PCDH9: variants seen among roughly 807,000 people sequenced by gnomAD.
The protein encoded by PCDH9 is protocadherin-9.
In PCDH9, 24 loss-of-function variants were observed where a neutral mutation model predicts 70.6. The ratio of observed to expected loss-of-function variants is 0.34; its 90% CI spans 0.25 to 0.48. The LOEUF (loss-of-function observed/expected upper bound fraction) is 0.48. Ranked by LOEUF, PCDH9 falls within the 20% of genes least tolerant of loss-of-function variation. The pLI, the probability that PCDH9 is intolerant of heterozygous loss-of-function variation, is 0.99. For missense variants in PCDH9, 1,281 were observed against 1,503.6 expected, an observed-to-expected ratio of 0.85 and a Z score of 2.45; for synonymous variants, 562 against 558.5, an observed-to-expected ratio of 1.01 and a Z score of -0.09.
chr13:66,531,297 C>T (rs537521585), intron 4 of PCDH9, among the ~76,000 whole-genome samples: 28 of 152,094 alleles, frequency 1.8e-4, no homozygotes, highest in Non-Finnish European at 3.1e-4. Context: ...GAGGATGCAT[C>T]GCTTTATTCC....
intron 4 of PCDH9, among the ~76,000 whole-genome samples, chr13:66,623,138 G>T (rs1181001574): frequency 6.6e-6 from 1 of 152,228 alleles, no homozygotes; most frequent in Non-Finnish European, 1.5e-5. Context: ...CACTCACCGC[G>T]AGGGTCCGCG....
chr13:66,376,547 A>G (rs1956750162), intron 4 of PCDH9, among the ~76,000 whole-genome samples: 1 of 152,114 alleles, frequency 6.6e-6, no homozygotes, highest in Non-Finnish European at 1.5e-5. Flanking sequence ...TTTTCATGAA[A>G]ACTAAGATGC....
rs545134956 is a variant in PCDH9, at chr13:66,399,940, C to T, written c.3341-94912G>A. On this transcript the variant is annotated intron_variant, in intron 4 of 4. Coordinates refer to ENST00000377865, the MANE Select transcript of PCDH9 (RefSeq NM_203487.3). ...CAGACCCTGGGTTACAATTTATTGTCTTGTATTTTGATTTTCTGACTTTCC... is the reference window on the plus strand; with the variant it reads ...CAGACCCTGGGTTACAATTTATTGTTTTGTATTTTGATTTTCTGACTTTCC... Among the ~76,000 whole-genome samples, 10 of 151,940 alleles carry T rather than the reference C, an allele frequency of 6.6e-5. No homozygotes were observed. The South Asian group carries it at 1.9e-3, about 28-fold the overall frequency.
intron 2 of PCDH9, among the ~76,000 whole-genome samples, chr13:67,037,239 G>C (rs1304167170): frequency 6.6e-6 from 1 of 152,138 alleles, no homozygotes; most frequent in Admixed American, 6.6e-5. Context: ...GGGCTAAGTA[G>C]TGTTGGAACT....
intron 4 of PCDH9, among the ~76,000 whole-genome samples, chr13:66,440,140 A>G (rs1219595498): frequency 6.6e-6 from 1 of 152,210 alleles, no homozygotes; most frequent in East Asian, 1.9e-4. Context: ...ATTTCTGTCT[A>G]CTTCGATGAG....
At chr13:67,032,648 TC>T (rs2084930958) in intron 2 of PCDH9, among the ~76,000 whole-genome samples, 1 of 152,234 alleles carries the variant, frequency 6.6e-6, no homozygotes, top group Non-Finnish European at 1.5e-5. Context: ...TGACTGAGAC[TC>T]ATTATGAGAC....
chr13:66,635,126 G>A (rs1724425459), intron 3 of PCDH9, among the ~76,000 whole-genome samples: 2 of 152,172 alleles, frequency 1.3e-5, no homozygotes, highest in African/African-American at 4.8e-5. Context: ...CTGACTGGCT[G>A]AAGAGGGACA....
At chr13:66,564,506 A>AT (rs939466092) in intron 4 of PCDH9, among the ~76,000 whole-genome samples, 3 of 151,972 alleles carry the variant, frequency 2.0e-5, no homozygotes, top group African/African-American at 7.3e-5. Flanking sequence ...AAATTTAATA[A>AT]TTTTTTTTAA....
At chr13:66,892,888 A>T (rs936149805) in intron 3 of PCDH9, among the ~76,000 whole-genome samples, 12 of 152,118 alleles carry the variant, frequency 7.9e-5, no homozygotes, top group African/African-American at 2.7e-4. Context: ...GATATCATAT[A>T]TTTATGTCTT....
intron 2 of PCDH9, among the ~76,000 whole-genome samples, chr13:66,943,873 A>G (rs2083045617): frequency 6.6e-6 from 1 of 152,058 alleles, no homozygotes; most frequent in Admixed American, 6.6e-5. Flanking sequence ...ACAAGATAAA[A>G]ATGTGATTTG....
chr13:66,484,730 C>T (rs556175340), intron 4 of PCDH9, among the ~76,000 whole-genome samples: 11 of 152,020 alleles, frequency 7.2e-5, no homozygotes, highest in Non-Finnish European at 1.5e-4. Context: ...GAAGAGTGGG[C>T]GATCTGAATT....
chr13:66,724,626 C>A (rs527808891), intron 3 of PCDH9, among the ~76,000 whole-genome samples: 1 of 152,308 alleles, frequency 6.6e-6, no homozygotes, highest in Non-Finnish European at 1.5e-5. Context: ...ACTTCGTCAA[C>A]AAATCCTCCT....
intron 2 of PCDH9, among the ~76,000 whole-genome samples, chr13:67,126,117 G>A (rs1381926072): frequency 6.6e-6 from 1 of 152,164 alleles, no homozygotes; most frequent in East Asian, 1.9e-4. Context: ...TAGTGGTCAT[G>A]ATTCAAATTG....
At chr13:67,183,077 T>A (rs1344208721) in intron 2 of PCDH9, among the ~76,000 whole-genome samples, 1 of 152,136 alleles carries the variant, frequency 6.6e-6, no homozygotes, top group East Asian at 1.9e-4. Context: ...CTATAGACAT[T>A]ATCAATGATA....
At chr13:66,389,844 T>G (rs1956988241) in intron 4 of PCDH9, among the ~76,000 whole-genome samples, 1 of 152,172 alleles carries the variant, frequency 6.6e-6, no homozygotes, top group Admixed American at 6.5e-5. Context: ...TGATTTTGCC[T>G]CAACTAAAAA....
intron 3 of PCDH9, among the ~76,000 whole-genome samples, chr13:66,753,197 C>T (rs1442021): frequency 0.97 from 147,957 of 152,256 alleles, 72,029 homozygotes; most frequent in East Asian, 1. Context: ...TAAGTTTTTG[C>T]CTTAAACATT....
intron 2 of PCDH9, among the ~76,000 whole-genome samples, chr13:67,176,747 A>AT (rs1166306943): frequency 5.3e-5 from 8 of 152,202 alleles, no homozygotes; most frequent in Middle Eastern, 3.4e-3. Flanking sequence ...TTCATGGGAC[A>AT]TTTTTTGTCA....
At chr13:66,970,437 T>G (rs2083500460) in intron 2 of PCDH9, among the ~76,000 whole-genome samples, 1 of 151,528 alleles carries the variant, frequency 6.6e-6, no homozygotes, top group Non-Finnish European at 1.5e-5. Context: ...AAGACCAGCA[T>G]AGGTAACATA....
chr13:66,329,417 T>A (rs1006710704), intron 4 of PCDH9, among the ~76,000 whole-genome samples: 1 of 152,210 alleles, frequency 6.6e-6, no homozygotes, highest in Admixed American at 6.5e-5. Context: ...TCAATTCAAG[T>A]ATATAATTTC....
Sources: allele counts gnomAD v4.1 joint callset (sites outside exome capture counted in the v4.1 genomes callset), GRCh38; gene constraint gnomAD v4.1.1; transcripts MANE v1.5; gene names NCBI Gene and HGNC (gene_info 2026-07-23, HGNC 2026-07-21).